Variants in THSD7A observed in about 807,000 individuals in gnomAD.
THSD7A encodes the protein thrombospondin type-1 domain-containing protein 7A.
A neutral mutation model predicts 231.3 loss-of-function variants in THSD7A; 96 were observed. That is an observed-to-expected ratio of 0.41 (90% CI 0.35 to 0.49). THSD7A has a LOEUF of 0.49. Among genes scored for constraint, THSD7A ranks in the 20% least tolerant of loss-of-function variants. THSD7A has a pLI of 0.05. For synonymous variants in THSD7A, 940 were observed against 743.3 expected (o/e 1.26, Z -4.30); for missense variants, 2,290 against 2,070.2 (o/e 1.11, Z -2.06).
At chr7:11,546,202 G>GCGCGCGCGCGCGCACACACA (rs761841418) in intron 4 of THSD7A, among the ~76,000 whole-genome samples, 1 of 129,374 alleles carries the variant, frequency 7.7e-6, no homozygotes, top group African/African-American at 2.9e-5. Context: ...GTGGGCGCGC[G>GCGCGCGCGCGCGCACACACA]CTCACACACA....
chr7:11,599,615 TG>T (rs1345145788), intron 2 of THSD7A, among the ~76,000 whole-genome samples: 1 of 152,214 alleles, frequency 6.6e-6, no homozygotes, highest in Admixed American at 6.5e-5. Context: ...CATTTCTGGT[TG>T]TACGAAGGAT....
At chr7:11,471,006 T>C (rs1343410781) in intron 8 of THSD7A, among the ~76,000 whole-genome samples, 3 of 151,960 alleles carry the variant, frequency 2.0e-5, no homozygotes, top group Non-Finnish European at 2.9e-5. Flanking sequence ...GGCTGAGAAG[T>C]AATAATTTTT....
At chr7:11,660,346 G>C (rs1310647659) in intron 1 of THSD7A, among the ~76,000 whole-genome samples, 2 of 151,450 alleles carry the variant, frequency 1.3e-5, no homozygotes, top group Non-Finnish European at 1.5e-5. Context: ...AAGACTTGCA[G>C]AAAATTCAGG....
At chr7:11,521,746 T>C (rs11971487) in intron 6 of THSD7A, among the ~76,000 whole-genome samples, 3,205 of 108,016 alleles carry the variant, frequency 0.03, 135 homozygotes, top group African/African-American at 0.062. Context: ...TTCCTTCAAA[T>C]GGCGGACTAG....
chr7:11,382,225 T>C (rs892851944), intron 24 of THSD7A, among the ~76,000 whole-genome samples: 2 of 152,144 alleles, frequency 1.3e-5, no homozygotes, highest in Non-Finnish European at 2.9e-5. Context: ...ATATAAAATT[T>C]CTAGAAAAGA....
At chr7:11,618,231 C>G (rs1781175049) in intron 2 of THSD7A, among the ~76,000 whole-genome samples, 1 of 152,092 alleles carries the variant, frequency 6.6e-6, no homozygotes, top group Non-Finnish European at 1.5e-5. Flanking sequence ...TAGAGCTATT[C>G]TGTATAACTT....
At chr7:11,531,896 C>G (rs1488919029) in intron 6 of THSD7A, among the ~76,000 whole-genome samples, 1 of 152,034 alleles carries the variant, frequency 6.6e-6, no homozygotes, top group Admixed American at 6.6e-5. Context: ...TAGCATGTGC[C>G]AGATTCAGTA....
At chr7:11,741,959 A>G (rs1782129265) in intron 1 of THSD7A, among the ~76,000 whole-genome samples, 1 of 151,940 alleles carries the variant, frequency 6.6e-6, no homozygotes, top group Admixed American at 6.6e-5. Context: ...CTTTTATTAT[A>G]TAGATGTGGG....
intron 13 of THSD7A, among the ~76,000 whole-genome samples, chr7:11,432,612 C>T (rs529747481): frequency 3.9e-5 from 6 of 152,090 alleles, no homozygotes; most frequent in East Asian, 1.9e-4. Flanking sequence ...TTGTGATATG[C>T]GTTTTATCTA....
At position 11,481,802 on chromosome 7, in the gene THSD7A, T is replaced by C. The variant is rs750699877; in HGVS notation, c.2003A>G (p.Tyr668Cys). The change falls in exon 7 of 28, where the codon TAT becomes TGT. Residue 668 changes from tyrosine (Y) to cysteine (C), a missense_variant. Coordinates refer to ENST00000423059, the MANE Select transcript of THSD7A (RefSeq NM_015204.3). ...KQIRARSILA[Y>C]AGEEGGIRCP... ...TGGCGACTCACCTTCTTCACCCGCA[T>C]AGGCCAGAATGGATCGTGCTCGTAT... 6.2e-7 allele frequency: 1 copy of C among 1,602,914 alleles called. No homozygotes were observed. The highest frequency in any genetic ancestry group is 8.5e-7 in the Non-Finnish European group (1 of 1,174,026).
chr7:11,764,456 CTGT>C (rs997683231), intron 1 of THSD7A, among the ~76,000 whole-genome samples: 1 of 151,666 alleles, frequency 6.6e-6, no homozygotes, highest in African/African-American at 2.4e-5. Flanking sequence ...TGGCAGGCGC[CTGT>C]TGTCCCAGCT....
At chr7:11,650,960 G>A (rs1782477672) in intron 1 of THSD7A, among the ~76,000 whole-genome samples, 1 of 151,974 alleles carries the variant, frequency 6.6e-6, no homozygotes, top group South Asian at 2.1e-4. Context: ...TCAAAAGATA[G>A]TGAGGGCCTA....
intron 11 of THSD7A, among the ~76,000 whole-genome samples, chr7:11,456,715 T>C (rs1404791968): frequency 6.6e-6 from 1 of 152,168 alleles, no homozygotes; most frequent in African/African-American, 2.4e-5. Flanking sequence ...TTGTGCCTTG[T>C]ATCATGAAAG....
intron 6 of THSD7A, among the ~76,000 whole-genome samples, chr7:11,519,145 T>C (rs919570664): frequency 1.3e-5 from 2 of 151,160 alleles, no homozygotes; most frequent in African/African-American, 2.5e-5. Context: ...GTAAAAGTTA[T>C]AGACAGTAAT....
chr7:11,544,814 A>ACCCCC (rs1789308825), intron 4 of THSD7A, among the ~76,000 whole-genome samples: 1 of 51,104 alleles, frequency 2.0e-5, no homozygotes, highest in East Asian at 7.9e-4. Context: ...CCGCCTCCCC[A>ACCCCC]CCCCCACCAC....
chr7:11,713,387 C>A (rs1380938263), intron 1 of THSD7A, among the ~76,000 whole-genome samples: 1 of 151,190 alleles, frequency 6.6e-6, no homozygotes, highest in Non-Finnish European at 1.5e-5. Context: ...ACATTAGTAA[C>A]TATCAGTTAA....
At chr7:11,748,325 G>A (rs1228398481) in intron 1 of THSD7A, among the ~76,000 whole-genome samples, 1 of 151,918 alleles carries the variant, frequency 6.6e-6, no homozygotes, top group African/African-American at 2.4e-5. Context: ...GAGGTTTGTT[G>A]TAAATAAAGA....
intron 1 of THSD7A, among the ~76,000 whole-genome samples, chr7:11,691,335 A>G (rs1780224272): frequency 6.6e-6 from 1 of 151,470 alleles, no homozygotes; most frequent in Admixed American, 6.6e-5. Flanking sequence ...TGTAATAGGT[A>G]TTATCAAAGA....
At chr7:11,663,907 A>C (rs1055764921) in intron 1 of THSD7A, among the ~76,000 whole-genome samples, 1 of 151,648 alleles carries the variant, frequency 6.6e-6, no homozygotes, top group Admixed American at 6.6e-5. Context: ...GCCTTGTAAG[A>C]TACTGGATTT....
Sources: allele counts gnomAD v4.1 joint callset (sites outside exome capture counted in the v4.1 genomes callset), GRCh38; gene constraint gnomAD v4.1.1; transcripts MANE v1.5; gene names NCBI Gene and HGNC (gene_info 2026-07-23, HGNC 2026-07-21).